The following AP1G2 variants were observed in gnomAD, a reference collection of about 807,000 sequenced individuals.
AP1G2 encodes the protein adaptor related protein complex 1 subunit gamma 2.
Under a neutral mutation model 95.8 loss-of-function variants are expected in AP1G2, and 85 were observed. The observed-to-expected ratio is 0.89, with a 90% confidence interval of 0.74 to 1.06. The LOEUF (loss-of-function observed/expected upper bound fraction) is 1.06. Among genes scored for constraint, AP1G2 ranks in the 50% least tolerant of loss-of-function variants. The pLI, the probability that AP1G2 is intolerant of heterozygous loss-of-function variation, is 0.00. For missense variants in AP1G2, 967 were observed against 1,005.8 expected (o/e 0.96, Z 0.52); for synonymous variants, 378 against 400.0 (o/e 0.94, Z 0.66).
At position 23,567,295 on chromosome 14, in the gene AP1G2, T is replaced by C. The variant is rs1396463358; in HGVS notation, c.20A>G (p.Lys7Arg). 1 of 1,612,822 alleles carries C rather than the reference T, an allele frequency of 6.2e-7. No homozygotes were observed. The highest frequency in any genetic ancestry group is 8.5e-7 in the Non-Finnish European group (1 of 1,179,628). Reference sequence around the variant, plus strand: ...AATCTCTTCGATGAGGTCCTGAAGCTTCAGCGAAGGCACCACCATCCTGAC... The same window carrying C: ...AATCTCTTCGATGAGGTCCTGAAGCCTCAGCGAAGGCACCACCATCCTGAC... MVVPSL[K>R]LQDLIEEIRG... The change falls in exon 2 of 22, where the codon AAG becomes AGG. Residue 7 changes from lysine (K) to arginine (R), a missense_variant. Physicochemically the swap from Lys to Arg is conservative, Grantham distance 26 (BLOSUM62 2). Transcript: ENST00000397120. The surrounding 1 kb of genome is among the most constrained non-coding windows in gnomAD (Gnocchi z 5.3).
chr14:23,560,993 C>T, intron 19 of AP1G2: 1 of 741,400 alleles, frequency 1.3e-6, no homozygotes, highest in Non-Finnish European at 1.7e-6. Context: ...TAAAAAAGAA[C>T]ATGAAATGCC....
chr14:23,565,392 TAAA>T, intron 7 of AP1G2, 193 bp from the exon 8 acceptor site: 1 of 663,382 alleles, frequency 1.5e-6, no homozygotes. Context: ...AGGACAGGCT[TAAA>T]AAAAAAATTG....
Position 23,566,057 on chromosome 14 carries a change from G to A in AP1G2, c.568+7C>T. ...GAAGCAAAGGATGGGGGGCCCCACAGCCTTACCATGGTGACGCTCATGAAG... is the reference window on the plus strand; with the variant it reads ...GAAGCAAAGGATGGGGGGCCCCACAACCTTACCATGGTGACGCTCATGAAG... On this transcript the variant is annotated splice_region_variant and intron_variant, in intron 5 of 21. Coordinates refer to ENST00000397120, the MANE Select transcript of AP1G2 (RefSeq NM_003917.5). The A allele has an allele frequency of 2.5e-6, 4 of 1,614,190 alleles. No individual in the cohort carries two copies. The highest frequency in any genetic ancestry group is 3.4e-6 in the Non-Finnish European group (4 of 1,180,030).
At chr14:23,564,503 G>A (rs1264186499) in intron 9 of AP1G2, 59 bp downstream of exon 9, 4 of 1,600,632 alleles carry the variant, frequency 2.5e-6, no homozygotes, top group Middle Eastern at 1.8e-4. Flanking sequence ...CAGCAAGCAG[G>A]ACCTGTGTGG....
chr14:23,559,620 CT>C lies in AP1G2; in HGVS notation c.*128del, dbSNP rs959520071. 2.7e-6 allele frequency: 2 copies of C among 745,778 alleles called. No homozygotes were observed. The highest frequency in any genetic ancestry group is 3.5e-5 in the African/African-American group (2 of 57,032). 46.2% of individuals were successfully genotyped at this position (745,778 alleles called of 1,614,324 possible). On this transcript the variant is annotated 3_prime_UTR_variant, in exon 22 of 22. Coordinates refer to ENST00000397120, the MANE Select transcript of AP1G2 (RefSeq NM_003917.5). ...GGGCTTTATTTGTGGGAGAAGGGGG[CT>C]GGTCCCCAGTTTTTGCAGTGCAAAG...
At chr14:23,565,033 T>A in intron 8 of AP1G2, 86 bp downstream of exon 8, 2 of 1,287,502 alleles carry the variant, frequency 1.6e-6, no homozygotes, top group South Asian at 2.4e-5. Context: ...ACACGGCCAC[T>A]GCACAGTGAC....
chr14:23,562,727 ACC>A, intron 14 of AP1G2, 134 bp from the exon 15 acceptor site: 1 of 742,248 alleles, frequency 1.3e-6, no homozygotes, highest in Non-Finnish European at 2.1e-6. Flanking sequence ...ACAAAGCGAG[ACC>A]CCCCCCATCT....
At chr14:23,562,916 G>A in intron 14 of AP1G2, 1 of 562,512 alleles carries the variant, frequency 1.8e-6, no homozygotes, top group Non-Finnish European at 2.8e-6. Flanking sequence ...GCCCTCTGGT[G>A]GCCAAGCATC....
At position 23,567,031 on chromosome 14, in the gene AP1G2, G is replaced by T; in HGVS notation, c.204+80C>A. 7.0e-7 allele frequency: 1 copy of T among 1,423,456 alleles called. No homozygotes were observed. The highest frequency in any genetic ancestry group is 9.5e-7 in the Non-Finnish European group (1 of 1,050,816). 88.2% of individuals were successfully genotyped at this position (1,423,456 alleles called of 1,614,324 possible). A position where few individuals can be genotyped will look rare whatever the true frequency, so the allele number is the denominator to read the frequency against. On this transcript the variant is annotated intron_variant, in intron 2 of 21. Transcript: ENST00000397120. The surrounding 1 kb of genome is among the most constrained non-coding windows in gnomAD (Gnocchi z 5.3). ...AAATTGTAGAATTTAAAAAACCAGGGCATAAACAGGTGAGAGAGTCTGGGA... is the reference window on the plus strand; with the variant it reads ...AAATTGTAGAATTTAAAAAACCAGGTCATAAACAGGTGAGAGAGTCTGGGA...
At chr14:23,562,733 C>G (rs564582636) in intron 14 of AP1G2, 140 bp from the exon 15 acceptor site, 2 of 746,624 alleles carry the variant, frequency 2.7e-6, no homozygotes, top group East Asian at 2.7e-5. Context: ...CGAGACCCCC[C>G]CCATCTCTAT....
At chr14:23,563,678 C>T (rs1015183032) in intron 12 of AP1G2, 38 bp downstream of exon 12, 1 of 1,614,166 alleles carries the variant, frequency 6.2e-7, no homozygotes, top group Non-Finnish European at 8.5e-7. Flanking sequence ...TACTGACGCT[C>T]CCCAGATTCT....
rs775781907 is a variant in AP1G2, at chr14:23,560,306, G to A, written c.2106C>T (p.Asn702=). The A allele has an allele frequency of 1.9e-6, 3 of 1,614,122 alleles. No homozygotes were observed. The South Asian group carries it at 3.3e-5, about 18-fold the overall frequency. The change falls in exon 20 of 22, where the codon AAC becomes AAT. Residue 702 remains asparagine (N), a synonymous_variant. Coordinates refer to ENST00000397120, the MANE Select transcript of AP1G2 (RefSeq NM_003917.5). ...ALLLITITAT[N]FSEGDVTHFI... is the part of the protein sequence containing the mutation. Reference sequence around the variant, plus strand: ...AATGGGTGACATCACCCTCTGAGAAGTTGGTGGCAGTGATGGTGATTAACA... The same window carrying A: ...AATGGGTGACATCACCCTCTGAGAAATTGGTGGCAGTGATGGTGATTAACA...
In AP1G2 at chr14:23,563,614, G is replaced by C; in HGVS notation, c.1257C>G (p.His419Gln). The C allele has an allele frequency of 6.2e-7, 1 of 1,614,212 alleles. No individual in the cohort carries two copies. Among genetic ancestry groups the C allele is most frequent in the South Asian group, 1.1e-5 (1 of 91,080 alleles). Residue 419 changes from histidine to glutamine, a missense_variant, in exon 13 of 22, where the codon CAC becomes CAG. His to Gln is a conservative substitution (Grantham distance 24, BLOSUM62 0). Transcript: ENST00000397120. ...AERFAPTKRW[H>Q]IDTILHVLTT... ...TCAGCACATGCAGGATGGTGTCTAT[G>C]TGCCAGCGTTTGGTTGGAGCAAACC...
At chr14:23,562,979 T>C (rs972462606) in intron 14 of AP1G2, 61 of 851,244 alleles carry the variant, frequency 7.2e-5, no homozygotes, top group Non-Finnish European at 8.7e-5. Context: ...GTCCCTCCCT[T>C]GTGGAAGGGG....
rs780333938 is a variant in AP1G2 at position 23,564,133 on chromosome 14, C to A, written c.1004G>T (p.Arg335Leu). Residue 335 changes from arginine (R) to leucine (L), a missense_variant, in exon 11 of 22, where the codon CGA becomes CTA. Transcript: ENST00000397120. ...AGCACTGTGATCAGACTGCACCAGT[C>A]GAAGCAGTGATGTCAGGGCTACATA... Reference protein sequence around the residue: ...IRYVALTSLLRLVQSDHSAVQ... With the variant: ...IRYVALTSLLLLVQSDHSAVQ... 32 of 1,613,960 alleles carry A rather than the reference C, an allele frequency of 2.0e-5. No individual in the cohort carries two copies. In the Admixed American group the frequency reaches 2.8e-4, roughly 14 times the overall value.
chr14:23,561,463 G>T (rs1232446966), intron 18 of AP1G2, 32 bp from the exon 19 acceptor site: 4 of 1,614,068 alleles, frequency 2.5e-6, no homozygotes, highest in Non-Finnish European at 3.4e-6. Context: ...GCAGGGCTGG[G>T]TATGAAGCTC....
rs922942441 is a variant in AP1G2 at position 23,567,366 on chromosome 14, T to C, written c.-5-47A>G. Reference sequence around the variant, plus strand: ...GAAACACTCTCTGGTCGGGCGTGCCTGGGCTTTCGGCCCAGGCCCGTCCTG... The same window carrying C: ...GAAACACTCTCTGGTCGGGCGTGCCCGGGCTTTCGGCCCAGGCCCGTCCTG... On this transcript the variant is annotated intron_variant, in intron 1 of 21. Transcript: ENST00000397120. This position sits in a 1 kb window ranked among gnomAD's most constrained non-coding sequence, Gnocchi z 5.3. 3 of 1,551,358 alleles carry C rather than the reference T, an allele frequency of 1.9e-6. No individual in the cohort carries two copies. Among genetic ancestry groups the C allele is most frequent in the Non-Finnish European group, 2.6e-6 (3 of 1,151,362 alleles).
rs151077277 is a variant in AP1G2 at position 23,565,158 on chromosome 14, G to A, written c.783C>T (p.His261=). 85 of 1,614,094 alleles carry A rather than the reference G, an allele frequency of 5.3e-5. No individual in the cohort carries two copies. Among genetic ancestry groups the A allele is most frequent in the Non-Finnish European group, 6.4e-5 (75 of 1,180,034 alleles). ...CATTCATGGTCTCACTGCTCTCCTCGTGGTTCCGGCCCAGGATCCGAAGCA... is the reference window on the plus strand; with the variant it reads ...CATTCATGGTCTCACTGCTCTCCTCATGGTTCCGGCCCAGGATCCGAAGCA... ...LRLLRILGRN[H]EESSETMNDL... is the part of the protein sequence containing the mutation. The change falls in exon 8 of 22, where the codon CAC becomes CAT. Residue 261 remains histidine (H), a synonymous_variant. Transcript: ENST00000397120.
At position 23,565,909 on chromosome 14, in the gene AP1G2, G is replaced by C. The variant is rs1366823020; in HGVS notation, c.569-17C>G. 1.9e-6 allele frequency: 3 copies of C among 1,598,466 alleles called. No homozygotes were observed. The highest frequency in any genetic ancestry group is 2.2e-5 in the East Asian group (1 of 44,566). Reference sequence around the variant, plus strand: ...GCAGGATGCCTGGGGTCAGCGTCGGGGAAGTGAATGGTGGGGGCCAGGGGC... The same window carrying C: ...GCAGGATGCCTGGGGTCAGCGTCGGCGAAGTGAATGGTGGGGGCCAGGGGC... On this transcript the variant is annotated splice_polypyrimidine_tract_variant and intron_variant, in intron 5 of 21. Coordinates refer to ENST00000397120, the MANE Select transcript of AP1G2 (RefSeq NM_003917.5).
Sources: allele counts gnomAD v4.1 joint callset, GRCh38; gene constraint gnomAD v4.1.1; non-coding constraint Gnocchi (gnomAD v3.1); transcripts MANE v1.5; gene names NCBI Gene and HGNC (gene_info 2026-07-23, HGNC 2026-07-21).